The following GCA variants were observed in gnomAD, a reference collection of about 807,000 sequenced individuals.
GCA encodes grancalcin, EF-hand calcium-binding protein.
Under a neutral mutation model 32.6 loss-of-function variants are expected in GCA, and 30 were observed. The observed-to-expected ratio is 0.92, with a 90% CI of 0.69 to 1.25. The LOEUF (loss-of-function observed/expected upper bound fraction) is 1.25, where lower values mean the gene tolerates loss of function less well. Ranked by LOEUF, GCA falls within the 50% of genes most tolerant of loss-of-function variation. The pLI is 0.00. For missense variants in GCA, 291 were observed against 266.8 expected (o/e 1.09, Z -0.63); for synonymous variants, 102 against 84.6 (o/e 1.21, Z -1.13).
Position 162,359,513 on chromosome 2 carries a change from C to T in GCA, c.588C>T (p.Asp196=). ...TTAAAGATTTCTTTAGGAAAAGAGA[C>T]CACTTGCAACAAGGGTCTGCGAATT... ...RALTDFFRKR[D]HLQQGSANFI... is the part of the protein sequence containing the mutation. The change falls in exon 7 of 8, where the codon GAC becomes GAT. Residue 196 remains aspartate, a synonymous_variant. Transcript: ENST00000437150. The T allele has an allele frequency of 1.3e-6, 2 of 1,530,806 alleles. No individual in the cohort carries two copies. The highest frequency in any genetic ancestry group is 2.4e-5 in the South Asian group (2 of 84,572). 94.8% of individuals were successfully genotyped at this position (1,530,806 alleles called of 1,614,324 possible).
intron 1 of GCA, among the ~76,000 whole-genome samples, chr2:162,323,812 C>A (rs1464801424): frequency 1.3e-5 from 2 of 151,690 alleles, no homozygotes; most frequent in Non-Finnish European, 2.9e-5. Context: ...GTTACTGTAG[C>A]CTTGTAGTAT....
upstream of GCA, among the ~76,000 whole-genome samples, chr2:162,343,842 A>G (rs1035816354): frequency 1.1e-4 from 16 of 152,356 alleles, no homozygotes; most frequent in East Asian, 1.9e-3. Context: ...GAAGGCTTGT[A>G]GAAGACCTTT....
chr2:162,354,922 A>G (rs1289673431), intron 3 of GCA, among the ~76,000 whole-genome samples: 1 of 152,158 alleles, frequency 6.6e-6, no homozygotes, highest in African/African-American at 2.4e-5. Context: ...ATTTCTTCTT[A>G]TACATACACA....
At chr2:162,371,320 C>T (rs191919170) in exon 5 of GCA, 668 of 1,286,742 alleles carry the variant, frequency 5.2e-4, no homozygotes, top group Non-Finnish European at 6.4e-4. Flanking sequence ...GAGGAATGAA[C>T]GTAATTAACT....
rs1205353973 is a variant in GCA, at chr2:162,360,553, C to T, written c.*310C>T. The T allele has an allele frequency of 7.5e-6, 8 of 1,073,558 alleles. No individual in the cohort carries two copies. The highest frequency in any genetic ancestry group is 9.6e-6 in the Non-Finnish European group (8 of 834,722). 66.5% of individuals were successfully genotyped at this position (1,073,558 alleles called of 1,614,324 possible). ...GATAATGTAAATTTAGAGGAATGTA[C>T]TTTACAAGATAGATTGTATAAGAAG... On this transcript the variant is annotated 3_prime_UTR_variant, in exon 8 of 8. Transcript: ENST00000437150.
chr2:162,319,335 C>T (rs1310104936), intron 1 of GCA: 1 of 425,422 alleles, frequency 2.4e-6, no homozygotes, highest in Non-Finnish European at 4.8e-6. Context: ...TGTGGATGGA[C>T]TTGAACCACC....
At chr2:162,359,235 A>G in intron 6 of GCA, 78 bp downstream of exon 6, 1 of 805,778 alleles carries the variant, frequency 1.2e-6, no homozygotes, top group South Asian at 1.5e-5. Flanking sequence ...TCCTCCAGCA[A>G]GTTTATAATA....
chr2:162,367,314 C>G (rs1685782295), downstream of GCA, among the ~76,000 whole-genome samples: 1 of 151,808 alleles, frequency 6.6e-6, no homozygotes. Context: ...GTCTGAAAAC[C>G]ATTGCAACTG....
downstream of GCA, among the ~76,000 whole-genome samples, chr2:162,365,118 T>C (rs1259516987): frequency 6.6e-6 from 1 of 151,520 alleles, no homozygotes; most frequent in Admixed American, 6.6e-5. Context: ...AAAGTTGGCT[T>C]CTCTAGTAAA....
At chr2:162,351,918 A>G (rs1320979703) in intron 2 of GCA, among the ~76,000 whole-genome samples, 1 of 152,116 alleles carries the variant, frequency 6.6e-6, no homozygotes, top group Non-Finnish European at 1.5e-5. Context: ...GTGGGGGAAA[A>G]TATATTTTCC....
chr2:162,329,375 A>G (rs1558885158), intron 1 of GCA, among the ~76,000 whole-genome samples: 1 of 152,208 alleles, frequency 6.6e-6, no homozygotes, highest in South Asian at 2.1e-4. Flanking sequence ...ATTGAGATAA[A>G]TTGAATCAAA....
At chr2:162,368,329 C>T (rs1221473311) in intron 4 of GCA, among the ~76,000 whole-genome samples, 5 of 151,912 alleles carry the variant, frequency 3.3e-5, no homozygotes, top group Admixed American at 6.6e-5. Context: ...AAGTAATTTA[C>T]ATATATTTAT....
intron 1 of GCA, chr2:162,344,547 C>T (rs1684584303): frequency 5.9e-6 from 3 of 509,720 alleles, no homozygotes; most frequent in Non-Finnish European, 7.0e-6. Context: ...AATTTATTTC[C>T]TGGAATGGAG....
rs1481512730 is a variant in GCA, at chr2:162,360,950, G to A, written c.*707G>A. 7.0e-6 allele frequency: 8 copies of A among 1,138,238 alleles called. No homozygotes were observed. In the African/African-American group the frequency reaches 8.0e-5, roughly 11 times the overall value. The allele number at this position is 1,138,238 out of a possible 1,614,324, so 70.5% of individuals were successfully genotyped here. A position where few individuals can be genotyped will look rare whatever the true frequency, so the allele number is the denominator to read the frequency against. On this transcript the variant is annotated 3_prime_UTR_variant, in exon 8 of 8. Transcript: ENST00000437150. ...TTTCTCTCTGCGTCCTATTTCATTA[G>A]TGAAGACATAGTTCACCTAAAATGG...
downstream of GCA, among the ~76,000 whole-genome samples, chr2:162,364,111 G>T (rs1227706490): frequency 6.6e-6 from 1 of 151,382 alleles, no homozygotes; most frequent in African/African-American, 2.4e-5. Context: ...TCCTAATTCT[G>T]ACATATTGTG....
At chr2:162,338,748 AT>A (rs1684351670) in intron 1 of GCA, among the ~76,000 whole-genome samples, 1 of 152,168 alleles carries the variant, frequency 6.6e-6, no homozygotes, top group Admixed American at 6.5e-5. Flanking sequence ...TTTATTGAGG[AT>A]TTTAATCATA....
At chr2:162,372,441 G>T (rs1274530307), downstream of GCA, among the ~76,000 whole-genome samples, 1 of 152,084 alleles carries the variant, frequency 6.6e-6, no homozygotes, top group Admixed American at 6.6e-5. Context: ...ATGAATAAGA[G>T]GGTATAAGGA....
chr2:162,371,518 G>T, exon 5 of GCA: 1 of 1,128,010 alleles, frequency 8.9e-7, no homozygotes, highest in Non-Finnish European at 1.1e-6. Flanking sequence ...AGTAAAAGCA[G>T]TAAATAGGAG....
At position 162,359,613 on chromosome 2, in the gene GCA, A is replaced by C. The variant is rs925356715; in HGVS notation, c.627+61A>C. 6 of 781,958 alleles carry C rather than the reference A, an allele frequency of 7.7e-6. No homozygotes were observed. In the African/African-American group the frequency reaches 9.0e-5, roughly 12 times the overall value. 48.4% of individuals were successfully genotyped at this position (781,958 alleles called of 1,614,324 possible). ...TAGATAGTTCTCAGTTAGTAAAAAA[A>C]TTTAAGTGATCCCAAGTACCAGTAC... is the stretch of plus-strand genomic sequence containing the variant. On this transcript the variant is annotated intron_variant, in intron 7 of 7. Coordinates refer to ENST00000437150, the MANE Select transcript of GCA (RefSeq NM_012198.5).
Sources: allele counts gnomAD v4.1 joint callset (sites outside exome capture counted in the v4.1 genomes callset), GRCh38; gene constraint gnomAD v4.1.1; transcripts MANE v1.5; gene names NCBI Gene and HGNC (gene_info 2026-07-23, HGNC 2026-07-21).